Variants in NCAM2 observed in about 807,000 individuals in gnomAD.
The protein encoded by NCAM2 is N-CAM-2.
A neutral mutation model predicts 98.1 loss-of-function variants in NCAM2; 30 were observed. That is an observed-to-expected ratio of 0.31 (90% CI 0.23 to 0.41). NCAM2 has a LOEUF of 0.41. Ranked by LOEUF, NCAM2 falls within the 10% of genes least tolerant of loss-of-function variation. NCAM2 has a pLI of 1.00. For synonymous variants in NCAM2, 368 were observed against 342.4 expected (o/e 1.07, Z -0.83); for missense variants, 867 against 1,005.8 (o/e 0.86, Z 1.87).
intron 1 of NCAM2, among the ~76,000 whole-genome samples, chr21:21,134,710 CTT>C (rs3071995): frequency 0.43 from 57,835 of 134,274 alleles, 12,466 homozygotes; most frequent in African/African-American, 0.56. Context: ...ATATTGCAGC[CTT>C]TTTTTTTTTT....
chr21:21,093,032 A>G (rs1448286194), intron 1 of NCAM2, among the ~76,000 whole-genome samples: 7 of 96 alleles, frequency 0.073, no homozygotes, highest in African/African-American at 0.23. Context: ...ACTTTCGTCA[A>G]ACCCCAAAGA....
intron 8 of NCAM2, among the ~76,000 whole-genome samples, chr21:21,354,312 A>G (rs1408433645): frequency 1.3e-5 from 2 of 152,158 alleles, no homozygotes; most frequent in African/African-American, 2.4e-5. Flanking sequence ...TTAAGGCAGC[A>G]TTTCTCAACT....
At chr21:21,111,792 A>C (rs1451125813) in intron 1 of NCAM2, among the ~76,000 whole-genome samples, 1 of 152,144 alleles carries the variant, frequency 6.6e-6, no homozygotes, top group Non-Finnish European at 1.5e-5. Context: ...GTTTGAGGAA[A>C]GTGGGAGAAG....
intron 8 of NCAM2, among the ~76,000 whole-genome samples, chr21:21,357,566 TA>T (rs1158521327): frequency 2.6e-5 from 4 of 152,178 alleles, no homozygotes; most frequent in African/African-American, 9.6e-5. Flanking sequence ...AACTAAAATA[TA>T]AAAAAGTGGC....
At chr21:21,294,837 T>C (rs1430442048) in intron 5 of NCAM2, among the ~76,000 whole-genome samples, 3 of 151,754 alleles carry the variant, frequency 2.0e-5, no homozygotes, top group African/African-American at 7.2e-5. Flanking sequence ...AGTTTTCCCT[T>C]ATTATGCCTC....
intron 1 of NCAM2, among the ~76,000 whole-genome samples, chr21:21,247,121 C>A (rs2071303868): frequency 6.6e-6 from 1 of 151,826 alleles, no homozygotes; most frequent in African/African-American, 2.4e-5. Flanking sequence ...AGATTGAGAC[C>A]ATCCTGGCTA....
chr21:21,172,294 A>T (rs78395452), intron 1 of NCAM2, among the ~76,000 whole-genome samples: 1 of 152,118 alleles, frequency 6.6e-6, no homozygotes, highest in Non-Finnish European at 1.5e-5. Context: ...TTATTTAAGA[A>T]TATTATAATA....
At chr21:21,487,378 G>A (rs1986477587) in intron 15 of NCAM2, among the ~76,000 whole-genome samples, 1 of 150,736 alleles carries the variant, frequency 6.6e-6, no homozygotes, top group African/African-American at 2.5e-5. Context: ...TATCTTCCTA[G>A]TACCATCCAA....
intron 1 of NCAM2, among the ~76,000 whole-genome samples, chr21:21,225,112 A>G (rs999853180): frequency 3.3e-5 from 5 of 152,110 alleles, no homozygotes; most frequent in Non-Finnish European, 7.4e-5. Context: ...TTGCAGGGAC[A>G]TGGATGAAGC....
chr21:21,262,658 C>CAAAAAAAAAAAAAAA (rs33912324), intron 1 of NCAM2, among the ~76,000 whole-genome samples: 5 of 78,952 alleles, frequency 6.3e-5, no homozygotes, highest in Admixed American at 1.7e-4. Context: ...AACAATCAGT[C>CAAAAAAAAAAAAAAA]AAAAAAAAAA....
chr21:21,525,455 A>C (rs976987868), intron 16 of NCAM2, among the ~76,000 whole-genome samples: 4 of 152,166 alleles, frequency 2.6e-5, no homozygotes, highest in Non-Finnish European at 5.9e-5. Context: ...GCAATCAGCT[A>C]AATGTCACAA....
chr21:21,246,895 A>G (rs2071290913), intron 1 of NCAM2, among the ~76,000 whole-genome samples: 1 of 152,200 alleles, frequency 6.6e-6, no homozygotes, highest in Non-Finnish European at 1.5e-5. Context: ...AGTGGCTAGT[A>G]TGTAAATTAT....
intron 1 of NCAM2, among the ~76,000 whole-genome samples, chr21:21,016,754 T>G (rs2146165543): frequency 6.6e-6 from 1 of 152,160 alleles, no homozygotes; most frequent in Admixed American, 6.6e-5. Flanking sequence ...TTTAAAAAGG[T>G]TTTACAAATA....
intron 9 of NCAM2, among the ~76,000 whole-genome samples, chr21:21,380,801 G>A (rs1429504786): frequency 6.6e-6 from 1 of 152,156 alleles, no homozygotes; most frequent in Non-Finnish European, 1.5e-5. Flanking sequence ...CTGGTAATGT[G>A]TTTGCAGTTT....
In NCAM2 at chr21:21,538,838, C is replaced by CA. The variant is rs1179861903; in HGVS notation, c.*887dup. ...ATCATTTATTTTTAAAATAATTTAT[C>CA]AAAAAACAAGTCTTTAGTGTTCAAA... is the stretch of plus-strand genomic sequence containing the variant. On this transcript the variant is annotated 3_prime_UTR_variant, in exon 18 of 18. Coordinates refer to ENST00000400546, the MANE Select transcript of NCAM2 (RefSeq NM_004540.5). The CA allele has an allele frequency of 6.6e-6, 1 of 151,890 alleles. No homozygotes were observed. Among genetic ancestry groups the CA allele is most frequent in the African/African-American group, 2.4e-5 (1 of 41,354 alleles). 9.4% of individuals were successfully genotyped at this position (151,890 alleles called of 1,614,324 possible). A position where few individuals can be genotyped will look rare whatever the true frequency, so the allele number is the denominator to read the frequency against.
At chr21:21,335,391 C>T in intron 6 of NCAM2, 114 bp from the exon 7 acceptor site, 3 of 693,096 alleles carry the variant, frequency 4.3e-6, no homozygotes, top group Non-Finnish European at 6.5e-6. Context: ...ATAGCCCTGT[C>T]TTTCAATGAT....
chr21:21,209,871 A>G (rs2069581675), intron 1 of NCAM2, among the ~76,000 whole-genome samples: 1 of 152,018 alleles, frequency 6.6e-6, no homozygotes, highest in East Asian at 1.9e-4. Context: ...TTTCCCCTCA[A>G]CCCCCAAAGA....
At chr21:21,326,234 A>G (rs1306905369) in intron 6 of NCAM2, among the ~76,000 whole-genome samples, 1 of 152,154 alleles carries the variant, frequency 6.6e-6, no homozygotes, top group East Asian at 1.9e-4. Flanking sequence ...TTAAGAAGAA[A>G]ATCTCCTTTA....
intron 1 of NCAM2, among the ~76,000 whole-genome samples, chr21:21,060,352 A>C (rs1434528667): frequency 6.6e-6 from 1 of 152,146 alleles, no homozygotes; most frequent in Non-Finnish European, 1.5e-5. Context: ...GCACAAGCAT[A>C]TCTGTGTATG....
Sources: allele counts gnomAD v4.1 joint callset (sites outside exome capture counted in the v4.1 genomes callset), GRCh38; gene constraint gnomAD v4.1.1; transcripts MANE v1.5; gene names NCBI Gene and HGNC (gene_info 2026-07-23, HGNC 2026-07-21).